NKAIN3: variants seen among roughly 807,000 people sequenced by gnomAD.
The protein encoded by NKAIN3 is sodium/potassium transporting ATPase interacting 3.
NKAIN3 carries 25 observed loss-of-function variants against 30.2 expected under a neutral mutation model. That is an observed-to-expected ratio of 0.83 (90% CI 0.60 to 1.16). The LOEUF is 1.16. NKAIN3 is among the 50% of genes most tolerant of loss of function. The pLI is 0.00. For synonymous variants in NKAIN3, 91 were observed against 89.6 expected, an observed-to-expected ratio of 1.02 and a Z score of -0.09; for missense variants, 225 against 254.1, an observed-to-expected ratio of 0.89 and a Z score of 0.78.
intron 4 of NKAIN3, among the ~76,000 whole-genome samples, chr8:62,811,854 C>T (rs1818498866): frequency 6.6e-6 from 1 of 151,896 alleles, no homozygotes; most frequent in African/African-American, 2.4e-5. Context: ...TAGGGTCTTT[C>T]CCAAAGCATT....
chr8:62,832,298 CACACACT>C, intron 4 of NKAIN3, among the ~76,000 whole-genome samples: 1 of 146,610 alleles, frequency 6.8e-6, no homozygotes, highest in South Asian at 2.2e-4. Context: ...CACACACACA[CACACACT>C]CTTAAGTACA....
chr8:62,269,518 G>A (rs1812709207), intron 1 of NKAIN3, among the ~76,000 whole-genome samples: 1 of 152,046 alleles, frequency 6.6e-6, no homozygotes, highest in Non-Finnish European at 1.5e-5. Context: ...CTTTGACTAT[G>A]TTCCTTTCTG....
At chr8:62,423,963 GTC>G (rs1419814497) in intron 1 of NKAIN3, among the ~76,000 whole-genome samples, 4 of 151,950 alleles carry the variant, frequency 2.6e-5, no homozygotes, top group Non-Finnish European at 2.9e-5. Context: ...GCTGTTTGTG[GTC>G]TGTTTTTTTG....
At chr8:62,946,329 C>G (rs1823125072) in intron 5 of NKAIN3, among the ~76,000 whole-genome samples, 1 of 152,144 alleles carries the variant, frequency 6.6e-6, no homozygotes, top group Admixed American at 6.5e-5. Flanking sequence ...TTGGTGGCCA[C>G]TAGGTATGCC....
intron 4 of NKAIN3, among the ~76,000 whole-genome samples, chr8:62,850,890 G>T (rs1819873008): frequency 1.3e-5 from 2 of 152,090 alleles, no homozygotes; most frequent in Admixed American, 6.5e-5. Flanking sequence ...CAGGTAGCGT[G>T]ATGCCTCCAG....
At chr8:62,883,244 T>G (rs1232047924) in intron 4 of NKAIN3, among the ~76,000 whole-genome samples, 3 of 152,134 alleles carry the variant, frequency 2.0e-5, no homozygotes, top group Non-Finnish European at 4.4e-5. Flanking sequence ...AGTCAGAGCT[T>G]TGTAATTTTC....
chr8:62,430,399 G>A (rs953400418), intron 1 of NKAIN3, among the ~76,000 whole-genome samples: 2 of 150,848 alleles, frequency 1.3e-5, no homozygotes, highest in African/African-American at 4.9e-5. Flanking sequence ...GTGTGTGTGT[G>A]TGTGTGTGGA....
chr8:62,837,916 A>G (rs1192241573), intron 4 of NKAIN3, among the ~76,000 whole-genome samples: 1 of 152,048 alleles, frequency 6.6e-6, no homozygotes, highest in African/African-American at 2.4e-5. Context: ...GAGACTTCAA[A>G]TTTACTTGAA....
At chr8:62,760,468 C>T (rs554630507) in intron 4 of NKAIN3, among the ~76,000 whole-genome samples, 3 of 152,226 alleles carry the variant, frequency 2.0e-5, no homozygotes, top group East Asian at 3.9e-4. Flanking sequence ...GAATTCATGT[C>T]CTTTGTAGGG....
intron 3 of NKAIN3, among the ~76,000 whole-genome samples, chr8:62,740,723 A>G (rs1028052967): frequency 2.6e-5 from 4 of 152,166 alleles, no homozygotes; most frequent in African/African-American, 9.7e-5. Context: ...ATATGCACAT[A>G]CATAGTTAAT....
chr8:62,838,151 G>GTGTGTA (rs1554583127), intron 4 of NKAIN3, among the ~76,000 whole-genome samples: 2 of 150,550 alleles, frequency 1.3e-5, no homozygotes, highest in African/African-American at 2.5e-5. Context: ...GTGTGTGTGT[G>GTGTGTA]TATATAAAAT....
intron 1 of NKAIN3, among the ~76,000 whole-genome samples, chr8:62,355,004 T>C (rs1816302122): frequency 6.6e-6 from 1 of 152,162 alleles, no homozygotes; most frequent in Admixed American, 6.5e-5. Flanking sequence ...CTCTAGAGGG[T>C]GATACTGCCT....
chr8:62,858,109 G>A (rs145360673), intron 4 of NKAIN3, among the ~76,000 whole-genome samples: 165 of 152,094 alleles, frequency 1.1e-3, no homozygotes, highest in African/African-American at 3.9e-3. Flanking sequence ...CTGTTGCATA[G>A]GGCTGCTGTG....
At chr8:62,372,645 C>T (rs1347381860) in intron 1 of NKAIN3, among the ~76,000 whole-genome samples, 1 of 151,918 alleles carries the variant, frequency 6.6e-6, no homozygotes, top group Non-Finnish European at 1.5e-5. Flanking sequence ...ATATACTTGT[C>T]TATATGCCAG....
At chr8:62,731,198 T>C (rs2130544330) in intron 3 of NKAIN3, among the ~76,000 whole-genome samples, 1 of 150,222 alleles carries the variant, frequency 6.7e-6, no homozygotes, top group East Asian at 2.0e-4. Flanking sequence ...TAGAGCAACA[T>C]TGTTTCCGAG....
intron 1 of NKAIN3, among the ~76,000 whole-genome samples, chr8:62,255,260 G>C (rs1014073870): frequency 6.6e-6 from 1 of 152,174 alleles, no homozygotes; most frequent in African/African-American, 2.4e-5. Flanking sequence ...TGGAAAACAC[G>C]CAATTGGGAC....
intron 4 of NKAIN3, among the ~76,000 whole-genome samples, chr8:62,749,928 C>T (rs1312605107): frequency 4.0e-5 from 6 of 151,770 alleles, no homozygotes; most frequent in Non-Finnish European, 7.4e-5. Flanking sequence ...GTGATCCACC[C>T]GCCTCGGTCT....
intron 4 of NKAIN3, among the ~76,000 whole-genome samples, chr8:62,819,678 A>G (rs1191895564): frequency 1.3e-5 from 2 of 151,648 alleles, no homozygotes. Flanking sequence ...GATGAAGATG[A>G]CATTTTTTTC....
intron 4 of NKAIN3, among the ~76,000 whole-genome samples, chr8:62,747,585 A>G (rs1816123752): frequency 6.6e-6 from 1 of 152,226 alleles, no homozygotes; most frequent in Non-Finnish European, 1.5e-5. Flanking sequence ...GACTCTTCGC[A>G]TTTTAGTGCC....
Sources: allele counts gnomAD v4.1 joint callset (sites outside exome capture counted in the v4.1 genomes callset), GRCh38; gene constraint gnomAD v4.1.1; transcripts MANE v1.5; gene names NCBI Gene and HGNC (gene_info 2026-07-23, HGNC 2026-07-21).